NFASC: variants seen among roughly 807,000 people sequenced by gnomAD.
NFASC encodes the protein neurofascin homolog.
NFASC carries 43 observed loss-of-function variants against 147.5 expected under a neutral mutation model. The observed-to-expected ratio is 0.29, with a 90% CI of 0.23 to 0.38. The LOEUF (loss-of-function observed/expected upper bound fraction) is 0.38, where lower values mean the gene tolerates loss of function less well. Among genes scored for constraint, NFASC ranks in the 10% least tolerant of loss-of-function variants. NFASC has a pLI of 1.00. For missense variants in NFASC, 1,320 were observed against 1,689.0 expected (o/e 0.78, Z 3.83); for synonymous variants, 622 against 665.5 (o/e 0.93, Z 1.01).
chr1:204,997,095 G>C, intron 24 of NFASC, 75 bp from the exon 25 acceptor site: 1 of 1,551,714 alleles, frequency 6.4e-7, no homozygotes, highest in Non-Finnish European at 8.7e-7. Flanking sequence ...TGCCTGCCTT[G>C]CACGCGGGGG....
intron 19 of NFASC, 80 bp from the exon 20 acceptor site, chr1:204,980,290 A>G (rs1443850493): frequency 7.8e-6 from 8 of 1,023,236 alleles, no homozygotes; most frequent in Non-Finnish European, 1.2e-5. Flanking sequence ...CAGACCCATC[A>G]GGTAGGACAG....
In NFASC at chr1:204,944,089, G is replaced by C. The variant is rs1373100523; in HGVS notation, c.-90-137G>C. On this transcript the variant is annotated intron_variant, in intron 2 of 29. Transcript: ENST00000339876. ...CAGTCCCACGTGTCAGTAGTGTTGA[G>C]GTTAAGAAACTCTGCTCTATCTAGA... is the stretch of plus-strand genomic sequence containing the variant. 3.4e-5 allele frequency: 25 copies of C among 736,096 alleles called. No homozygotes were observed. The Admixed American group carries it at 6.9e-4, about 20-fold the overall frequency. 45.6% of individuals were successfully genotyped at this position (736,096 alleles called of 1,614,324 possible).
At chr1:205,006,107 C>T (rs2096103618) in intron 27 of NFASC, among the ~76,000 whole-genome samples, 1 of 152,204 alleles carries the variant, frequency 6.6e-6, no homozygotes. Context: ...TGAAGTAATT[C>T]CTTCATCCCA....
At chr1:204,966,197 C>T (rs1281871124) in intron 8 of NFASC, among the ~76,000 whole-genome samples, 1 of 152,150 alleles carries the variant, frequency 6.6e-6, no homozygotes, top group Non-Finnish European at 1.5e-5. Flanking sequence ...TTTATAGTCA[C>T]AGCTACAGTG....
chr1:204,875,455 G>A (rs550056555), intron 1 of NFASC, among the ~76,000 whole-genome samples: 40 of 152,176 alleles, frequency 2.6e-4, no homozygotes, highest in South Asian at 6.2e-4. Context: ...TGGAGGAAGT[G>A]GAAAGAAGAA....
intron 1 of NFASC, among the ~76,000 whole-genome samples, chr1:204,908,019 T>A (rs1443922173): frequency 6.6e-6 from 1 of 152,120 alleles, no homozygotes; most frequent in East Asian, 1.9e-4. Context: ...TCTTGTTCTG[T>A]CACTAGAGCC....
chr1:204,994,594 G>A (rs1174634102), intron 24 of NFASC, among the ~76,000 whole-genome samples: 4 of 152,232 alleles, frequency 2.6e-5, no homozygotes, highest in East Asian at 1.9e-4. Context: ...TAGGAAGGGA[G>A]GCCCAGGCTC....
chr1:204,868,361 G>A (rs575163853), intron 1 of NFASC, among the ~76,000 whole-genome samples: 1 of 152,292 alleles, frequency 6.6e-6, no homozygotes, highest in South Asian at 2.1e-4. Context: ...TAAGCCTTGG[G>A]GAATCGGAGG....
rs141431458 is a variant in NFASC at position 204,902,123 on chromosome 1, G to A, written c.-199-18509G>A. Among the ~76,000 whole-genome samples, 118 of 152,186 alleles carry A rather than the reference G, an allele frequency of 7.8e-4. 1 individual carries two copies. The highest frequency in any genetic ancestry group is 2.7e-3 in the African/African-American group (114 of 41,520). On this transcript the variant is annotated intron_variant, in intron 1 of 29. Coordinates refer to ENST00000339876, the MANE Select transcript of NFASC (RefSeq NM_001005388.3). Reference sequence around the variant, plus strand: ...AGCCTGGGTAACATAGTGAGACCCCGTCTCTACAACAAGTTTTAAAAATTA... The same window carrying A: ...AGCCTGGGTAACATAGTGAGACCCCATCTCTACAACAAGTTTTAAAAATTA...
chr1:204,909,334 G>GCATT (rs1398701871), intron 1 of NFASC, among the ~76,000 whole-genome samples: 2 of 151,902 alleles, frequency 1.3e-5, no homozygotes, highest in Non-Finnish European at 2.9e-5. Context: ...GTTTTAATTT[G>GCATT]CATTCCCCCA....
chr1:204,907,480 C>T (rs1319957071), intron 1 of NFASC, among the ~76,000 whole-genome samples: 1 of 152,226 alleles, frequency 6.6e-6, no homozygotes, highest in Non-Finnish European at 1.5e-5. Context: ...TCCCTGCCCC[C>T]TCACTGTAAG....
intron 8 of NFASC, chr1:204,962,045 C>G: frequency 7.7e-7 from 1 of 1,293,766 alleles, no homozygotes; most frequent in Non-Finnish European, 1.1e-6. Flanking sequence ...TTTCTCTCCC[C>G]GTTTATGCCT....
rs932548843 is a variant in NFASC at position 205,015,534 on chromosome 1, C to T, written c.3492-774C>T. On this transcript the variant is annotated intron_variant, in intron 29 of 29. Coordinates refer to ENST00000339876, the MANE Select transcript of NFASC (RefSeq NM_001005388.3). This position sits in a 1 kb window ranked among gnomAD's most constrained non-coding sequence, Gnocchi z 4.0. ...TCCCAGCGGCCCGTGCAGCTTTACT[C>T]GGCAGCCTCCCAGCTCTCCCTGCAC... is the stretch of plus-strand genomic sequence containing the variant. 1.3e-5 allele frequency among the ~76,000 whole-genome samples: 2 copies of T among 152,108 alleles called. No individual in the cohort carries two copies. The highest frequency in any genetic ancestry group is 4.8e-5 in the African/African-American group (2 of 41,430).
At chr1:204,916,282 G>A (rs2089227014) in intron 1 of NFASC, among the ~76,000 whole-genome samples, 1 of 152,200 alleles carries the variant, frequency 6.6e-6, no homozygotes, top group Admixed American at 6.5e-5. Context: ...ACCTTCCTAT[G>A]CCTGAGTCAG....
chr1:204,950,442 C>T, intron 3 of NFASC, 115 bp from the exon 4 acceptor site: 3 of 970,032 alleles, frequency 3.1e-6, no homozygotes, highest in South Asian at 1.4e-5. Flanking sequence ...GCGCCCTCCC[C>T]AGGCACACCC....
intron 1 of NFASC, chr1:204,870,750 C>T: frequency 8.7e-7 from 1 of 1,153,258 alleles, no homozygotes; most frequent in Non-Finnish European, 1.1e-6. Context: ...CCATTCACGG[C>T]ACTCTCAGAG....
chr1:204,923,024 G>A (rs951934916), intron 2 of NFASC, among the ~76,000 whole-genome samples: 1 of 152,208 alleles, frequency 6.6e-6, no homozygotes, highest in African/African-American at 2.4e-5. Context: ...AGTCCACAGA[G>A]GTTAAGGAAC....
chr1:205,003,752 ACTC>A (rs2096050056), intron 27 of NFASC, among the ~76,000 whole-genome samples: 1 of 152,058 alleles, frequency 6.6e-6, no homozygotes, highest in Admixed American at 6.5e-5. Context: ...AATATTCATT[ACTC>A]CTCCTGCACC....
intron 1 of NFASC, among the ~76,000 whole-genome samples, chr1:204,843,653 TCCC>T (rs1676113397): frequency 1.1e-4 from 11 of 101,570 alleles, no homozygotes; most frequent in Admixed American, 7.4e-4. Context: ...CCTCCCTCCC[TCCC>T]TTCCTTCCTC....
Sources: allele counts gnomAD v4.1 joint callset (sites outside exome capture counted in the v4.1 genomes callset), GRCh38; gene constraint gnomAD v4.1.1; non-coding constraint Gnocchi (gnomAD v3.1); transcripts MANE v1.5; gene names NCBI Gene and HGNC (gene_info 2026-07-23, HGNC 2026-07-21).